The following SGSM2 variants were observed in gnomAD, a reference collection of about 807,000 sequenced individuals.
SGSM2 encodes the protein RUN and TBC1 domain containing 1.
Under a neutral mutation model 126.6 loss-of-function variants are expected in SGSM2, and 89 were observed. The ratio of observed to expected loss-of-function variants is 0.70; its 90% confidence interval spans 0.59 to 0.84. The LOEUF (loss-of-function observed/expected upper bound fraction) is 0.84, where lower values mean the gene tolerates loss of function less well. Among genes scored for constraint, SGSM2 ranks in the 40% least tolerant of loss-of-function variants. The pLI is 0.00. For missense variants in SGSM2, 1,404 were observed against 1,416.6 expected, an observed-to-expected ratio of 0.99 and a Z score of 0.14; for synonymous variants, 614 against 574.3, an observed-to-expected ratio of 1.07 and a Z score of -0.99.
chr17:2,379,031 C>G lies in SGSM2; in HGVS notation c.2900-5C>G. ...GGGTGAGCAGCAGCCGCTTACTCTC[C>G]GCAGAACTGCTGTATGAGGATGTGT... is the stretch of plus-strand genomic sequence containing the variant. On this transcript the variant is annotated splice_region_variant and splice_polypyrimidine_tract_variant and intron_variant, in intron 22 of 23. Transcript: ENST00000268989. 6.2e-7 allele frequency: 1 copy of G among 1,613,110 alleles called. No homozygotes were observed. Among genetic ancestry groups the G allele is most frequent in the Non-Finnish European group, 8.5e-7 (1 of 1,179,400 alleles).
chr17:2,338,786 T>TATATATATATATATATATATATATAA (rs1481763507), intron 1 of SGSM2, among the ~76,000 whole-genome samples: 24 of 149,732 alleles, frequency 1.6e-4, no homozygotes, highest in African/African-American at 5.4e-4. Context: ...TATATATATA[T>TATATATATATATATATATATATATAA]ATAACCTCAC....
chr17:2,366,447 G>A (rs1009606158), intron 11 of SGSM2: 1 of 152,198 alleles, frequency 6.6e-6, no homozygotes, highest in Non-Finnish European at 1.5e-5. Flanking sequence ...CCAAAAAGTT[G>A]TCAACAAGTT....
intron 16 of SGSM2, 24 bp from the exon 17 acceptor site, chr17:2,373,307 G>T: frequency 6.2e-7 from 1 of 1,600,320 alleles, no homozygotes. Flanking sequence ...CTTCCCCCAT[G>T]GTCGTGGTGT....
chr17:2,348,644 C>T (rs991831164), intron 2 of SGSM2, among the ~76,000 whole-genome samples: 10 of 152,202 alleles, frequency 6.6e-5, no homozygotes, highest in Non-Finnish European at 1.3e-4. Context: ...GCTTACTCAT[C>T]TCTGAGCCTA....
rs149374498 is a variant in SGSM2 at position 2,365,355 on chromosome 17, G to A, written c.1288+14G>A. Reference sequence around the variant, plus strand: ...GGCACGAGCACAGTGAGTGTCCCGAGCTTCATCCCGGGGGAGGAGAGGAAG... The same window carrying A: ...GGCACGAGCACAGTGAGTGTCCCGAACTTCATCCCGGGGGAGGAGAGGAAG... On this transcript the variant is annotated intron_variant, in intron 11 of 23. Coordinates refer to ENST00000268989, the MANE Select transcript of SGSM2 (RefSeq NM_014853.3). The A allele has an allele frequency of 8.5e-6, 13 of 1,528,230 alleles. No individual in the cohort carries two copies. In the East Asian group the frequency reaches 3.2e-4, roughly 37 times the overall value. The allele number at this position is 1,528,230 out of a possible 1,614,324, so 94.7% of individuals were successfully genotyped here.
At position 2,380,280 on chromosome 17, in the gene SGSM2, C is replaced by T. The variant is rs939799379; in HGVS notation, c.*760C>T. On this transcript the variant is annotated 3_prime_UTR_variant, in exon 24 of 24. Coordinates refer to ENST00000268989, the MANE Select transcript of SGSM2 (RefSeq NM_014853.3). ...TCTGCATTAGGTACTTCCCTGAAAA[C>T]CACGTGTAAGAAGTGATGCTTTTGC... 8 of 1,536,020 alleles carry T rather than the reference C, an allele frequency of 5.2e-6. No individual in the cohort carries two copies. The highest frequency in any genetic ancestry group is 1.4e-5 in the African/African-American group (1 of 73,176).
chr17:2,341,987 A>C (rs2064387602), intron 1 of SGSM2, among the ~76,000 whole-genome samples: 1 of 152,302 alleles, frequency 6.6e-6, no homozygotes, highest in Admixed American at 6.5e-5. Context: ...ACAACCTACA[A>C]CTGTACACAA....
chr17:2,366,234 GAC>G (rs1022412587), intron 11 of SGSM2, among the ~76,000 whole-genome samples: 2 of 152,100 alleles, frequency 1.3e-5, no homozygotes, highest in African/African-American at 2.4e-5. Flanking sequence ...CCCCACCCTG[GAC>G]ACACACCCCT....
At position 2,376,806 on chromosome 17, in the gene SGSM2, C is replaced by T; in HGVS notation, c.2683C>T (p.Leu895Phe). 6.2e-7 allele frequency: 1 copy of T among 1,614,090 alleles called. No homozygotes were observed. Residue 895 changes from leucine to phenylalanine, a missense_variant, in exon 20 of 24, where the codon CTC (leucine) becomes TTC (phenylalanine). Physicochemically the swap from Leu to Phe is conservative, Grantham distance 22. Coordinates refer to ENST00000268989, the MANE Select transcript of SGSM2 (RefSeq NM_014853.3). ...CDLLAPLLVT[L>F]DNDQLAYSCF... ...TCTGCTGGCGCCTCTCCTGGTCACC[C>T]TCGACAATGGTGAGGGATGGCGGGA...
At position 2,372,034 on chromosome 17, in the gene SGSM2, C is replaced by T. The variant is rs1245408474; in HGVS notation, c.1578-156C>T. On this transcript the variant is annotated intron_variant, in intron 13 of 23. Coordinates refer to ENST00000268989, the MANE Select transcript of SGSM2 (RefSeq NM_014853.3). This position sits in a 1 kb window ranked among gnomAD's most constrained non-coding sequence, Gnocchi z 6.0. ...ACTCTGTCCAGGTGGCAGGCAGGGA[C>T]AGGGCACCCACTGACGGCTGCTGGG... 18 of 843,794 alleles carry T rather than the reference C, an allele frequency of 2.1e-5. No homozygotes were observed. The highest frequency in any genetic ancestry group is 3.4e-5 in the Non-Finnish European group (18 of 532,656). The allele number at this position is 843,794 out of a possible 1,614,324, so 52.3% of individuals were successfully genotyped here.
intron 11 of SGSM2, among the ~76,000 whole-genome samples, 183 bp downstream of exon 11, chr17:2,365,524 G>A (rs959475898): frequency 9.2e-5 from 14 of 152,108 alleles, no homozygotes; most frequent in Non-Finnish European, 1.3e-4. Context: ...GAAAAGGTGC[G>A]TCTCTTCTAC....
rs756615937 is a variant in SGSM2, at chr17:2,373,052, T to C, written c.1888T>C (p.Phe630Leu). 1 of 1,609,906 alleles carries C rather than the reference T, an allele frequency of 6.2e-7. No homozygotes were observed. The change falls in exon 16 of 24, where the codon TTC (phenylalanine) becomes CTC (leucine). Residue 630 changes from phenylalanine (F) to leucine (L), a missense_variant. Phe to Leu is a conservative substitution (Grantham distance 22, BLOSUM62 0). Coordinates refer to ENST00000268989, the MANE Select transcript of SGSM2 (RefSeq NM_014853.3). ...VWPFLLGHYK[F>L]GMSKKEMEQV... is the part of the protein sequence containing the mutation. ...GCCCTTTCTGCTTGGCCACTACAAGTTCGGCATGAGCAAGAAGGAGATGGA... is the reference window on the plus strand; with the variant it reads ...GCCCTTTCTGCTTGGCCACTACAAGCTCGGCATGAGCAAGAAGGAGATGGA...
chr17:2,362,993 A>T lies in SGSM2; in HGVS notation c.531A>T (p.Gly177=). The change falls in exon 6 of 24, where the codon GGA becomes GGT. Residue 177 remains glycine (G), a synonymous_variant. Transcript: ENST00000268989. This position sits in a 1 kb window ranked among gnomAD's most constrained non-coding sequence, Gnocchi z 4.9. ...FGPILASLLV[G]PCALEYTKLK... is the part of the protein sequence containing the mutation. ...TGGCTGTCTCTGTCTCCACAGTGGGACCCTGTGCCTTGGAATACACTAAGC... is the reference window on the plus strand; with the variant it reads ...TGGCTGTCTCTGTCTCCACAGTGGGTCCCTGTGCCTTGGAATACACTAAGC... The T allele has an allele frequency of 6.2e-7, 1 of 1,613,958 alleles. No individual in the cohort carries two copies. The highest frequency in any genetic ancestry group is 8.5e-7 in the Non-Finnish European group (1 of 1,180,012).
In SGSM2 at chr17:2,372,250, C is replaced by T. The variant is rs16952117; in HGVS notation, c.1638C>T (p.Tyr546=). 6.2e-3 allele frequency: 9,982 copies of T among 1,612,934 alleles called. 482 individuals carry two copies. The African/African-American group carries it at 0.11, about 18-fold the overall frequency. The change falls in exon 14 of 24, where the codon TAC becomes TAT. Residue 546 remains tyrosine (Y), a synonymous_variant. Coordinates refer to ENST00000268989, the MANE Select transcript of SGSM2 (RefSeq NM_014853.3). The surrounding 1 kb of genome is among the most constrained non-coding windows in gnomAD (Gnocchi z 6.0). The stretch of plus-strand genomic sequence containing the variant: ...GGCAGATCGTGTCCCGGGCCTTCTA[C>T]GGCTGTGAGTGTGGGGCGCGCCGGG... ...MKRQIVSRAF[Y]GWLAHCRHLS... is the part of the protein sequence containing the mutation.
Position 2,379,999 on chromosome 17 carries a change from C to A in SGSM2, c.*479C>A. ...GTGCGTGCACCAGCCCCAGCTGGAG[C>A]AACCAAAACTGCTTCTGGTTTAGGC... On this transcript the variant is annotated 3_prime_UTR_variant, in exon 24 of 24. Coordinates refer to ENST00000268989, the MANE Select transcript of SGSM2 (RefSeq NM_014853.3). 2.9e-6 allele frequency: 4 copies of A among 1,387,150 alleles called. No individual in the cohort carries two copies. Among genetic ancestry groups the A allele is most frequent in the Non-Finnish European group, 3.7e-6 (4 of 1,073,058 alleles). The allele number at this position is 1,387,150 out of a possible 1,614,324, so 85.9% of individuals were successfully genotyped here.
At position 2,362,426 on chromosome 17, in the gene SGSM2, C is replaced by T. The variant is rs2447101; in HGVS notation, c.458+156C>T. ...TCCCCCCAAAACTGCAGGTGACCGC[C>T]CCGTTCCCAAAAACTGCAGGTGACC... On this transcript the variant is annotated intron_variant, in intron 4 of 23. Transcript: ENST00000268989. This position sits in a 1 kb window ranked among gnomAD's most constrained non-coding sequence, Gnocchi z 4.9. Among the ~76,000 whole-genome samples the T allele has an allele frequency of 9.1e-6, 1 of 109,878 alleles. No individual in the cohort carries two copies. The highest frequency in any genetic ancestry group is 2.1e-5 in the Non-Finnish European group (1 of 47,746). 72.1% of individuals were successfully genotyped at this position (109,878 alleles called of 152,430 possible).
At chr17:2,352,585 C>G (rs1269404466) in intron 2 of SGSM2, among the ~76,000 whole-genome samples, 2 of 152,094 alleles carry the variant, frequency 1.3e-5, no homozygotes, top group Admixed American at 6.6e-5. Flanking sequence ...GGCTAGTCCT[C>G]TGAAGGCCAC....
rs549366754 is a variant in SGSM2, at chr17:2,362,319, C to A, written c.458+49C>A. 333 of 1,506,158 alleles carry A rather than the reference C, an allele frequency of 2.2e-4. 1 individual carries two copies. The African/African-American group carries it at 4.3e-3, about 20-fold the overall frequency. The allele number at this position is 1,506,158 out of a possible 1,614,324, so 93.3% of individuals were successfully genotyped here. A position where few individuals can be genotyped will look rare whatever the true frequency, so the allele number is the denominator to read the frequency against. ...CTGCAGGTGACCACCCCGTTCCCCC[C>A]AAAACTGCAGGTGACCGCCCCGTTC... On this transcript the variant is annotated intron_variant, in intron 4 of 23. Transcript: ENST00000268989. The surrounding 1 kb of genome is among the most constrained non-coding windows in gnomAD (Gnocchi z 4.9).
rs910123729 is a variant in SGSM2 at position 2,379,076 on chromosome 17, C to T, written c.2940C>T (p.Ile980=). Residue 980 remains isoleucine, a synonymous_variant, in exon 23 of 24, where the codon ATC becomes ATT. Transcript: ENST00000268989. The stretch of plus-strand genomic sequence containing the variant: ...ATGTGTTTGCTGTGTGGGAGGTGAT[C>T]TGGGCAGCCAGGCACATCTCATCGG... ...YEDVFAVWEV[I]WAARHISSEH... 2 of 1,614,112 alleles carry T rather than the reference C, an allele frequency of 1.2e-6. No individual in the cohort carries two copies. Among genetic ancestry groups the T allele is most frequent in the Non-Finnish European group, 1.7e-6 (2 of 1,180,034 alleles).
Sources: allele counts gnomAD v4.1 joint callset (sites outside exome capture counted in the v4.1 genomes callset), GRCh38; gene constraint gnomAD v4.1.1; non-coding constraint Gnocchi (gnomAD v3.1); transcripts MANE v1.5; gene names NCBI Gene and HGNC (gene_info 2026-07-23, HGNC 2026-07-21).